ANKS1B: variants seen among roughly 807,000 people sequenced by gnomAD.
The protein encoded by ANKS1B is ankyrin repeat and sterile alpha motif domain-containing protein 1B.
ANKS1B carries 36 observed loss-of-function variants against 148.3 expected under a neutral mutation model. The ratio of observed to expected loss-of-function variants is 0.24; its 90% CI spans 0.19 to 0.32. ANKS1B has a LOEUF of 0.32. ANKS1B is among the 10% of genes least tolerant of loss of function. ANKS1B has a pLI of 1.00. For synonymous variants in ANKS1B, 542 were observed against 560.8 expected (o/e 0.97, Z 0.47); for missense variants, 1,157 against 1,542.6 (o/e 0.75, Z 4.19).
intron 15 of ANKS1B, among the ~76,000 whole-genome samples, chr12:99,138,210 T>C (rs2068805382): frequency 6.6e-6 from 1 of 152,176 alleles, no homozygotes; most frequent in Non-Finnish European, 1.5e-5. Context: ...TTCTTGGCAG[T>C]GGTCATTATT....
At chr12:99,716,131 T>C (rs953884112) in intron 8 of ANKS1B, among the ~76,000 whole-genome samples, 1 of 151,972 alleles carries the variant, frequency 6.6e-6, no homozygotes, top group South Asian at 2.1e-4. Context: ...TTTTCTGGGG[T>C]GCAAGAACCC....
chr12:99,592,237 A>T (rs145480252), intron 9 of ANKS1B, among the ~76,000 whole-genome samples: 3 of 152,284 alleles, frequency 2.0e-5, no homozygotes, highest in Admixed American at 2.0e-4. Flanking sequence ...GATCTAAAGC[A>T]CACGAAATGC....
chr12:99,928,271 A>ATTTTTTTTTTTT (rs763106581), intron 1 of ANKS1B, among the ~76,000 whole-genome samples: 1 of 99,068 alleles, frequency 1.0e-5, no homozygotes, highest in African/African-American at 4.1e-5. Context: ...ATTTTATTTT[A>ATTTTTTTTTTTT]TTTTTTTTTT....
intron 14 of ANKS1B, among the ~76,000 whole-genome samples, chr12:99,220,827 T>C (rs2085004358): frequency 6.6e-6 from 1 of 152,194 alleles, no homozygotes; most frequent in Admixed American, 6.5e-5. Flanking sequence ...AATAGTCATC[T>C]AGTAAAAATA....
chr12:99,210,707 G>C (rs970085712), intron 14 of ANKS1B, among the ~76,000 whole-genome samples: 1 of 152,144 alleles, frequency 6.6e-6, no homozygotes, highest in Non-Finnish European at 1.5e-5. Context: ...TTGGCTACTT[G>C]GTTAAAATGG....
chr12:98,867,431 A>G lies in ANKS1B; in HGVS notation c.2779-35295T>C, dbSNP rs76290815. 9.1e-4 allele frequency among the ~76,000 whole-genome samples: 139 copies of G among 152,378 alleles called. 1 individual carries two copies. Among genetic ancestry groups the G allele is most frequent in the Admixed American group, 1.6e-3 (24 of 15,310 alleles). On this transcript the variant is annotated intron_variant, in intron 17 of 26. Coordinates refer to ENST00000683438, the MANE Select transcript of ANKS1B (RefSeq NM_001352186.2). ...TAAAATGGCACAAAAATGTAATGGT[A>G]ATATCCTACAGAGAGGAAAGAGCTG...
chr12:99,811,244 GTCT>G (rs2068318786), intron 3 of ANKS1B, among the ~76,000 whole-genome samples: 1 of 151,844 alleles, frequency 6.6e-6, no homozygotes, highest in Admixed American at 6.6e-5. Flanking sequence ...GTCCGGCAAA[GTCT>G]GCATCCATTT....
At chr12:99,681,332 G>T (rs939469042) in intron 8 of ANKS1B, among the ~76,000 whole-genome samples, 5 of 152,134 alleles carry the variant, frequency 3.3e-5, no homozygotes, top group African/African-American at 1.2e-4. Flanking sequence ...CTAACCAGAG[G>T]TCCTGAGTCT....
At chr12:99,367,960 A>C (rs947670574) in intron 12 of ANKS1B, among the ~76,000 whole-genome samples, 1 of 152,192 alleles carries the variant, frequency 6.6e-6, no homozygotes, top group African/African-American at 2.4e-5. Flanking sequence ...TTACAAATGA[A>C]AATAGAAAAG....
chr12:99,156,751 A>G (rs987922128), intron 14 of ANKS1B, among the ~76,000 whole-genome samples: 1 of 152,148 alleles, frequency 6.6e-6, no homozygotes, highest in African/African-American at 2.4e-5. Flanking sequence ...TAGACCCTCT[A>G]TTGTAACAGA....
intron 14 of ANKS1B, among the ~76,000 whole-genome samples, chr12:99,165,028 A>G (rs546127224): frequency 1.3e-5 from 2 of 152,126 alleles, no homozygotes; most frequent in African/African-American, 2.4e-5. Flanking sequence ...AATATTTTAA[A>G]CTGATTAATC....
At chr12:99,655,272 CAATT>C in intron 8 of ANKS1B, 62 bp from the exon 9 acceptor site, 1 of 1,377,142 alleles carries the variant, frequency 7.3e-7, no homozygotes, top group Non-Finnish European at 9.8e-7. Flanking sequence ...ATCTTAACAT[CAATT>C]AAATTCTATA....
intron 8 of ANKS1B, among the ~76,000 whole-genome samples, chr12:99,676,138 C>T (rs2098567211): frequency 6.6e-6 from 1 of 152,070 alleles, no homozygotes; most frequent in Non-Finnish European, 1.5e-5. Context: ...CTCCTTCCTG[C>T]TGCCATGTGA....
intron 17 of ANKS1B, among the ~76,000 whole-genome samples, chr12:98,966,079 G>A (rs1463555435): frequency 2.6e-5 from 4 of 152,068 alleles, no homozygotes; most frequent in Non-Finnish European, 5.9e-5. Flanking sequence ...GCTTCTGCAT[G>A]GCAAAAGAAA....
rs2152623723 is a variant in ANKS1B, at chr12:99,404,146, A to G, written c.1576-4335T>C. ...AATTATAACTAATGGACACATAGAG[A>G]AGAACAACACATACTGGGCCTATTG... On this transcript the variant is annotated intron_variant, in intron 11 of 26. Transcript: ENST00000683438. 1.4e-5 allele frequency among the ~76,000 whole-genome samples: 2 copies of G among 145,968 alleles called. 1 individual carries two copies. Among genetic ancestry groups the G allele is most frequent in the Middle Eastern group, 6.9e-3 (2 of 288 alleles).
intron 9 of ANKS1B, among the ~76,000 whole-genome samples, chr12:99,506,427 A>G (rs953110895): frequency 6.6e-6 from 1 of 152,026 alleles, no homozygotes; most frequent in Non-Finnish European, 1.5e-5. Flanking sequence ...CATTGAAAGC[A>G]GGAAATTGGG....
chr12:99,715,082 T>C (rs1192515749), intron 8 of ANKS1B, among the ~76,000 whole-genome samples: 1 of 151,670 alleles, frequency 6.6e-6, no homozygotes, highest in Non-Finnish European at 1.5e-5. Flanking sequence ...TAAGCAGAGA[T>C]TGCACCACTG....
chr12:98,885,172 T>C (rs568416175), intron 17 of ANKS1B, among the ~76,000 whole-genome samples: 3 of 152,242 alleles, frequency 2.0e-5, no homozygotes, highest in African/African-American at 7.2e-5. Context: ...TTCACAGAAC[T>C]TCCCTTCCTC....
chr12:99,653,542 T>C lies in ANKS1B; in HGVS notation c.1272+1525A>G, dbSNP rs1283583538. Among the ~76,000 whole-genome samples, 3 of 152,202 alleles carry C rather than the reference T, an allele frequency of 2.0e-5. No individual in the cohort carries two copies. The East Asian group carries it at 5.8e-4, about 29-fold the overall frequency. On this transcript the variant is annotated intron_variant, in intron 9 of 26. Transcript: ENST00000683438. ...TATGTAAAAACTTTAAGTGAAGACA[T>C]GACACCCTAGAATATACACATTTGT... is the stretch of plus-strand genomic sequence containing the variant.
Sources: gnomAD v4.1 joint callset for allele counts (sites outside exome capture counted in the v4.1 genomes callset) on GRCh38, gnomAD v4.1.1 for gene constraint, MANE v1.5 for transcripts, NCBI Gene and HGNC (gene_info 2026-07-23, HGNC 2026-07-21) for gene names.